Variants in PHEX observed in about 807,000 individuals in gnomAD.
The protein encoded by PHEX is phosphate regulating endopeptidase X-linked, also known as phosphate-regulating neutral endopeptidase PHEX.
Under a neutral mutation model 68.0 loss-of-function variants are expected in PHEX, and 16 were observed. The observed-to-expected ratio is 0.24, with a 90% confidence interval of 0.16 to 0.36. The LOEUF is 0.36. Ranked by LOEUF, PHEX falls within the 10% of genes least tolerant of loss-of-function variation. The probability of loss-of-function intolerance (pLI) is 1.00; values close to 1 mark genes in which losing one functional copy is unlikely to be tolerated. For missense variants in PHEX, 480 were observed against 575.5 expected, an observed-to-expected ratio of 0.83 and a Z score of 1.70; for synonymous variants, 208 against 205.1, an observed-to-expected ratio of 1.01 and a Z score of -0.12.
At chrX:22,221,796 TG>T in intron 18 of PHEX, 53 bp downstream of exon 18, 2 of 1,077,582 alleles carry the variant, frequency 1.9e-6, no homozygotes. Flanking sequence ...TTTCCTCATT[TG>T]GACATTAGCT....
chrX:22,072,333 C>A (rs182047419), intron 3 of PHEX, among the ~76,000 whole-genome samples: 27 of 111,467 alleles, frequency 2.4e-4, no homozygotes, highest in African/African-American at 8.8e-4. Context: ...ATCGCGTGAA[C>A]CTGGGAGGTG....
intron 5 of PHEX, 143 bp from the exon 6 acceptor site, chrX:22,090,286 A>G (rs908472085): frequency 1.9e-6 from 1 of 513,676 alleles, no homozygotes; most frequent in African/African-American, 2.3e-5. Context: ...TTTGCATGTA[A>G]TTCTGAGTGT....
chrX:22,047,642 CT>C (rs974151303), intron 3 of PHEX, among the ~76,000 whole-genome samples: 3 of 111,996 alleles, frequency 2.7e-5, no homozygotes, highest in African/African-American at 9.7e-5. Flanking sequence ...TCTGGATGAC[CT>C]TGTGGTTGTC....
At chrX:22,237,788 C>T (rs959602936) in intron 20 of PHEX, among the ~76,000 whole-genome samples, 3 of 112,265 alleles carry the variant, frequency 2.7e-5, no homozygotes, top group African/African-American at 9.7e-5. Flanking sequence ...CCATTTCCCC[C>T]TCCACTTAGA....
intron 5 of PHEX, among the ~76,000 whole-genome samples, chrX:22,086,045 C>T (rs778158437): frequency 2.7e-5 from 3 of 111,786 alleles, no homozygotes; most frequent in East Asian, 5.7e-4. Flanking sequence ...AGGTCCTTGC[C>T]TTTTTTTCTG....
chrX:22,164,667 T>C (rs905396421), intron 12 of PHEX, among the ~76,000 whole-genome samples: 1 of 112,241 alleles, frequency 8.9e-6, no homozygotes, highest in Middle Eastern at 4.6e-3. Flanking sequence ...TTCTTTTCTT[T>C]TCTCTCTCTC....
At chrX:22,226,412 T>A (rs1935501694) in intron 18 of PHEX, 31 bp from the exon 19 acceptor site, 2 of 245,749 alleles carry the variant, frequency 8.1e-6, no homozygotes, top group Non-Finnish European at 6.4e-6. Context: ...CACGCATTCA[T>A]TTTTTTTTTT....
chrX:22,109,792 C>T (rs980925020), intron 9 of PHEX, among the ~76,000 whole-genome samples: 5 of 111,828 alleles, frequency 4.5e-5, no homozygotes, highest in Non-Finnish European at 9.4e-5. Flanking sequence ...TAGAAAAAGG[C>T]AACCCTTAAA....
chrX:22,084,873 T>C (rs1929557867), intron 5 of PHEX, among the ~76,000 whole-genome samples: 1 of 111,490 alleles, frequency 9.0e-6, no homozygotes, highest in Non-Finnish European at 1.9e-5. Context: ...ATTTTATTTA[T>C]TTGTGTCTTC....
At chrX:22,134,362 A>G (rs2269465) in intron 12 of PHEX, among the ~76,000 whole-genome samples, 2,635 of 112,415 alleles carry the variant, frequency 0.023, 63 homozygotes, top group South Asian at 0.079. Context: ...AGGCTGAGGC[A>G]GGTGGATCAC....
chrX:22,198,201 A>G, intron 15 of PHEX, among the ~76,000 whole-genome samples: 1 of 104,719 alleles, frequency 9.5e-6, no homozygotes, highest in East Asian at 2.8e-4. Context: ...ATATACTTAT[A>G]TATATGTTAA....
At chrX:22,096,210 A>G (rs1191997693) in intron 7 of PHEX, among the ~76,000 whole-genome samples, 3 of 112,525 alleles carry the variant, frequency 2.7e-5, no homozygotes, top group East Asian at 2.8e-4. Flanking sequence ...TATGTGAGCT[A>G]CTGCTGGTCA....
At chrX:22,140,448 GT>G (rs778186302) in intron 12 of PHEX, among the ~76,000 whole-genome samples, 3 of 111,583 alleles carry the variant, frequency 2.7e-5, no homozygotes, top group South Asian at 7.5e-4. Flanking sequence ...GTTTGAAGAT[GT>G]TTAAATGTTT....
intron 3 of PHEX, among the ~76,000 whole-genome samples, chrX:22,074,262 A>G (rs1467423306): frequency 5.5e-5 from 6 of 109,638 alleles, no homozygotes; most frequent in African/African-American, 1.3e-4. Context: ...CTGCATATCA[A>G]TGCTCTCCTG....
intron 13 of PHEX, among the ~76,000 whole-genome samples, chrX:22,175,626 C>T (rs964390520): frequency 2.7e-5 from 3 of 112,020 alleles, no homozygotes; most frequent in Non-Finnish European, 3.8e-5. Flanking sequence ...GTTGGGATTA[C>T]AGGCATGAGT....
intron 11 of PHEX, among the ~76,000 whole-genome samples, chrX:22,124,501 A>G (rs1931634363): frequency 8.9e-6 from 1 of 111,953 alleles, no homozygotes; most frequent in African/African-American, 3.2e-5. Context: ...AAATTCATTT[A>G]CCTAAAGAAA....
At chrX:22,196,713 A>G (rs1934379010) in intron 15 of PHEX, among the ~76,000 whole-genome samples, 1 of 112,529 alleles carries the variant, frequency 8.9e-6, no homozygotes, top group South Asian at 3.7e-4. Context: ...TCTTAAACAG[A>G]TAAGATCTTG....
intron 15 of PHEX, among the ~76,000 whole-genome samples, chrX:22,210,379 G>A (rs1409939496): frequency 3.6e-5 from 4 of 111,938 alleles, no homozygotes; most frequent in Non-Finnish European, 7.5e-5. Context: ...TTCCTGTAAA[G>A]AGGTTGGCAA....
intron 1 of PHEX, among the ~76,000 whole-genome samples, chrX:22,036,054 A>ATTTT (rs72347239): frequency 1.4e-4 from 8 of 56,738 alleles, no homozygotes; most frequent in African/African-American, 4.6e-4. Context: ...ATATATATAT[A>ATTTT]TTTTTTTTTT....
Sources: allele counts gnomAD v4.1 joint callset (sites outside exome capture counted in the v4.1 genomes callset), GRCh38; gene constraint gnomAD v4.1.1; transcripts MANE v1.5; gene names NCBI Gene and HGNC (gene_info 2026-07-23, HGNC 2026-07-21).